The following TNR variants were observed in gnomAD, a reference collection of about 807,000 sequenced individuals.
TNR encodes tenascin R.
Under a neutral mutation model 150.4 loss-of-function variants are expected in TNR, and 45 were observed. The observed-to-expected ratio is 0.30, with a 90% CI of 0.24 to 0.38. The LOEUF is 0.38. Among genes scored for constraint, TNR ranks in the 10% least tolerant of loss-of-function variants. The probability of loss-of-function intolerance (pLI) is 1.00; values close to 1 mark genes in which losing one functional copy is unlikely to be tolerated. For missense variants in TNR, 1,544 were observed against 1,759.1 expected (o/e 0.88, Z 2.19); for synonymous variants, 687 against 678.4 (o/e 1.01, Z -0.20).
chr1:175,425,433 A>T (rs982508491), intron 2 of TNR, among the ~76,000 whole-genome samples: 1 of 152,312 alleles, frequency 6.6e-6, no homozygotes, highest in African/African-American at 2.4e-5. Flanking sequence ...TAAGTGCCCT[A>T]AAAAAAGTAT....
chr1:175,342,804 T>A (rs1557875265), intron 18 of TNR, among the ~76,000 whole-genome samples: 2 of 152,216 alleles, frequency 1.3e-5, no homozygotes, highest in South Asian at 4.1e-4. Flanking sequence ...GCAACAGACA[T>A]CTAAGACATC....
chr1:175,721,745 A>AAATCAACTG (rs372559111), intron 1 of TNR, among the ~76,000 whole-genome samples: 134 of 152,108 alleles, frequency 8.8e-4, no homozygotes, highest in African/African-American at 2.8e-3. Context: ...TCACACACTC[A>AAATCAACTG]AATCAACTGG....
chr1:175,337,730 A>G (rs749123670), intron 18 of TNR, 51 bp from the exon 19 acceptor site: 3 of 1,597,022 alleles, frequency 1.9e-6, no homozygotes, highest in South Asian at 1.1e-5. Context: ...CTCACAGTGC[A>G]CAAGAGCTCC....
intron 10 of TNR, 145 bp downstream of exon 10, chr1:175,367,063 G>A: frequency 1.5e-6 from 1 of 674,382 alleles, no homozygotes; most frequent in Non-Finnish European, 2.6e-6. Flanking sequence ...TAGGGTGGAT[G>A]TTGTTTCTAG....
chr1:175,636,605 A>T (rs1015438820), intron 1 of TNR, among the ~76,000 whole-genome samples: 6 of 152,096 alleles, frequency 3.9e-5, no homozygotes, highest in Admixed American at 3.9e-4. Flanking sequence ...CATGGACAGA[A>T]CTCCCAGAGA....
intron 9 of TNR, among the ~76,000 whole-genome samples, chr1:175,370,582 C>G (rs1259775175): frequency 6.6e-6 from 1 of 151,942 alleles, no homozygotes; most frequent in African/African-American, 2.4e-5. Flanking sequence ...TGCAATACCC[C>G]CTGATCCATT....
At chr1:175,428,639 C>T (rs1655120026) in intron 2 of TNR, among the ~76,000 whole-genome samples, 1 of 152,110 alleles carries the variant, frequency 6.6e-6, no homozygotes, top group Admixed American at 6.5e-5. Flanking sequence ...TTTTGAGCAC[C>T]TACCAGGCAT....
At chr1:175,649,842 T>G (rs781079920) in intron 1 of TNR, among the ~76,000 whole-genome samples, 5 of 152,194 alleles carry the variant, frequency 3.3e-5, no homozygotes, top group Non-Finnish European at 7.3e-5. Context: ...CTTCTCTACC[T>G]GGGGCTCCTC....
chr1:175,379,597 G>A lies in TNR; in HGVS notation c.1918C>T (p.Leu640=), dbSNP rs1426663480. 5 of 1,614,052 alleles carry A rather than the reference G, an allele frequency of 3.1e-6. No homozygotes were observed. Among genetic ancestry groups the A allele is most frequent in the Non-Finnish European group, 4.2e-6 (5 of 1,180,022 alleles). The change falls in exon 9 of 23, where the codon CTG becomes TTG. Residue 640 remains leucine, a synonymous_variant. Transcript: ENST00000367674. ...GTTGGACCAATGCCCCTGGGGACCA[G>A]TACCTCATGATATTGCTCACCCGCC... ...TLAGEQYHEV[L]VPRGIGPTTR... is the part of the protein sequence containing the mutation.
chr1:175,424,445 G>A (rs1365380603), intron 2 of TNR, among the ~76,000 whole-genome samples: 1 of 152,160 alleles, frequency 6.6e-6, no homozygotes, highest in African/African-American at 2.4e-5. Flanking sequence ...GTGTTGACGA[G>A]GTGACCAGCT....
At chr1:175,651,763 A>G (rs1665003004) in intron 1 of TNR, among the ~76,000 whole-genome samples, 1 of 151,900 alleles carries the variant, frequency 6.6e-6, no homozygotes, top group Admixed American at 6.6e-5. Context: ...AGGACAGTGC[A>G]AGAAGAACAA....
chr1:175,372,710 C>T (rs544091246), intron 9 of TNR, among the ~76,000 whole-genome samples: 1 of 152,314 alleles, frequency 6.6e-6, no homozygotes, highest in East Asian at 1.9e-4. Flanking sequence ...ATTGCTGTCT[C>T]TTGCTAGCAA....
At chr1:175,720,855 A>G (rs1667278361) in intron 1 of TNR, among the ~76,000 whole-genome samples, 1 of 152,212 alleles carries the variant, frequency 6.6e-6, no homozygotes, top group African/African-American at 2.4e-5. Context: ...TGGTTTAAAT[A>G]ACCACACTAG....
intron 2 of TNR, among the ~76,000 whole-genome samples, chr1:175,495,170 C>A (rs573019639): frequency 3.2e-4 from 49 of 152,278 alleles, no homozygotes; most frequent in Admixed American, 1.0e-3. Flanking sequence ...TCCCAGGCTG[C>A]CCTTGAGAAT....
At position 175,653,298 on chromosome 1, in the gene TNR, C is replaced by T. The variant is rs546268175; in HGVS notation, c.-165+89928G>A. On this transcript the variant is annotated intron_variant, in intron 1 of 22. Coordinates refer to ENST00000367674, the MANE Select transcript of TNR (RefSeq NM_003285.3). ...TGATTAAAACGTAGCCAACGCATAG[C>T]ATGACACCGCATGCACAGTGAGAAG... 1.8e-4 allele frequency among the ~76,000 whole-genome samples: 28 copies of T among 152,316 alleles called. No individual in the cohort carries two copies. The East Asian group carries it at 5.4e-3, about 29-fold the overall frequency.
intron 1 of TNR, among the ~76,000 whole-genome samples, chr1:175,623,942 T>C (rs1445439726): frequency 6.6e-6 from 1 of 152,214 alleles, no homozygotes; most frequent in Non-Finnish European, 1.5e-5. Flanking sequence ...GCTACCCTGG[T>C]TTTCTGACTC....
chr1:175,438,138 T>C (rs1221281607), intron 2 of TNR, among the ~76,000 whole-genome samples: 1 of 152,160 alleles, frequency 6.6e-6, no homozygotes, highest in Admixed American at 6.5e-5. Flanking sequence ...AATAAAATAC[T>C]GGAAAATAGA....
chr1:175,701,441 C>G (rs1159122992), intron 1 of TNR, among the ~76,000 whole-genome samples: 1 of 152,184 alleles, frequency 6.6e-6, no homozygotes, highest in Non-Finnish European at 1.5e-5. Flanking sequence ...GGGCCATTGA[C>G]AGGAAAGTCT....
At chr1:175,686,208 C>T (rs1469241419) in intron 1 of TNR, among the ~76,000 whole-genome samples, 2 of 152,218 alleles carry the variant, frequency 1.3e-5, no homozygotes, top group African/African-American at 4.8e-5. Flanking sequence ...AGGCCAGTTT[C>T]TTGTAATCCC....
Sources: gnomAD v4.1 joint callset for allele counts (sites outside exome capture counted in the v4.1 genomes callset) on GRCh38, gnomAD v4.1.1 for gene constraint, MANE v1.5 for transcripts, NCBI Gene and HGNC (gene_info 2026-07-23, HGNC 2026-07-21) for gene names.